CDK12: variants seen among roughly 807,000 people sequenced by gnomAD.
CDK12 encodes the protein cyclin-dependent kinase 12.
In CDK12, 17 loss-of-function variants were observed where a neutral mutation model predicts 133.8. The ratio of observed to expected loss-of-function variants is 0.13; its 90% CI spans 0.09 to 0.19. The LOEUF (loss-of-function observed/expected upper bound fraction) is 0.19, where lower values mean the gene tolerates loss of function less well. Ranked by LOEUF, CDK12 falls within the 10% of genes least tolerant of loss-of-function variation. The pLI, the probability that CDK12 is intolerant of heterozygous loss-of-function variation, is 1.00. For synonymous variants in CDK12, 694 were observed against 683.6 expected (o/e 1.02, Z -0.24); for missense variants, 1,508 against 1,818.7 (o/e 0.83, Z 3.11).
intron 7 of CDK12, among the ~76,000 whole-genome samples, chr17:39,510,224 A>G (rs2053409102): frequency 6.7e-6 from 1 of 150,344 alleles, no homozygotes. Flanking sequence ...GGTTCAAGAA[A>G]TTCTCCTGCC....
intron 2 of CDK12, among the ~76,000 whole-genome samples, chr17:39,478,583 A>G (rs548515784): frequency 2.6e-5 from 4 of 152,256 alleles, no homozygotes; most frequent in African/African-American, 9.6e-5. Context: ...GCTCACTCCT[A>G]TAATCCCAGC....
intron 8 of CDK12, among the ~76,000 whole-genome samples, chr17:39,514,337 C>T (rs948829440): frequency 2.0e-5 from 3 of 152,096 alleles, no homozygotes; most frequent in Admixed American, 6.6e-5. Context: ...AAGCTAGGTT[C>T]GTTTTGCTTT....
chr17:39,515,519 G>C (rs941722550), intron 8 of CDK12, among the ~76,000 whole-genome samples: 14 of 152,060 alleles, frequency 9.2e-5, no homozygotes, highest in African/African-American at 3.4e-4. Flanking sequence ...TCCTTAATAG[G>C]TGGCAAAAGT....
chr17:39,471,410 T>A lies in CDK12; in HGVS notation c.1578T>A (p.Pro526=), dbSNP rs1406440813. The change falls in exon 2 of 14, where the codon CCT becomes CCA. Residue 526 remains proline (P), a synonymous_variant. Transcript: ENST00000447079. ...CAGAAACATCAGAAAAGGAGACCCCTCCACCTCTTCCCACAATTGCTTCTC... is the reference window on the plus strand; with the variant it reads ...CAGAAACATCAGAAAAGGAGACCCCACCACCTCTTCCCACAATTGCTTCTC... The part of the protein sequence containing the change: ...KETETSEKET[P]PPLPTIASPP... 6.2e-7 allele frequency: 1 copy of A among 1,613,800 alleles called. No homozygotes were observed. Among genetic ancestry groups the A allele is most frequent in the Non-Finnish European group, 8.5e-7 (1 of 1,179,876 alleles).
Position 39,526,054 on chromosome 17 carries a change from G to C in CDK12, c.3498G>C (p.Gln1166His). Residue 1166 changes from glutamine (Q) to histidine (H), a missense_variant, in exon 13 of 14, where the codon CAG becomes CAC. Around this residue, in one of 9 missense-constraint regions of CDK12, gnomAD observed 399 missense variants for 469.6 expected, o/e 0.85. Coordinates refer to ENST00000447079, the MANE Select transcript of CDK12 (RefSeq NM_016507.4). ...GTGCCCTGACGGAAGCTACTTCCCAGCAGCAGGACTCAGAGACCATGGCCC... is the reference window on the plus strand; with the variant it reads ...GTGCCCTGACGGAAGCTACTTCCCACCAGCAGGACTCAGAGACCATGGCCC... ...SISALTEATSQQQDSETMAPE... is the reference protein window; with the variant it reads ...SISALTEATSHQQDSETMAPE... 1 of 1,614,214 alleles carries C rather than the reference G, an allele frequency of 6.2e-7. No homozygotes were observed. Among genetic ancestry groups the C allele is most frequent in the South Asian group, 1.1e-5 (1 of 91,086 alleles).
chr17:39,532,891 CAT>C lies in CDK12; in HGVS notation c.*1579_*1580del, dbSNP rs2054945552. 3 of 232,942 alleles carry C rather than the reference CAT, an allele frequency of 1.3e-5. No individual in the cohort carries two copies. The South Asian group carries it at 5.4e-4, about 42-fold the overall frequency. 14.4% of individuals were successfully genotyped at this position (232,942 alleles called of 1,614,324 possible). A position where few individuals can be genotyped will look rare whatever the true frequency, so the allele number is the denominator to read the frequency against. ...GAGTGTTTTAAAAACAGATACATGT[CAT>C]ATAATTTATCTGCACAGACTTAGAC... On this transcript the variant is annotated 3_prime_UTR_variant, in exon 14 of 14. Transcript: ENST00000447079.
chr17:39,544,949 G>C (rs1360973448), upstream of CDK12, among the ~76,000 whole-genome samples: 4 of 152,266 alleles, frequency 2.6e-5, no homozygotes, highest in Non-Finnish European at 5.9e-5. Context: ...TCTCAGGGAA[G>C]TTTCTTATTC....
chr17:39,509,670 A>G (rs767124128), intron 6 of CDK12, 35 bp from the exon 7 acceptor site: 2 of 1,546,004 alleles, frequency 1.3e-6, no homozygotes, highest in Non-Finnish European at 1.8e-6. Flanking sequence ...GGCCACTGCT[A>G]TGGCTTATGA....
At chr17:39,463,809 A>G (rs1003410058) in intron 1 of CDK12, among the ~76,000 whole-genome samples, 23 of 151,970 alleles carry the variant, frequency 1.5e-4, no homozygotes, top group African/African-American at 5.3e-4. Context: ...TCTAAAACAC[A>G]TAGTAATAAT....
intron 3 of CDK12, among the ~76,000 whole-genome samples, chr17:39,562,209 A>G (rs1038929132): frequency 6.6e-6 from 1 of 152,234 alleles, no homozygotes; most frequent in Admixed American, 6.5e-5. Flanking sequence ...AAGTGCTGGG[A>G]TTACAGGCGT....
At chr17:39,536,800 G>C (rs1039178710), downstream of CDK12, among the ~76,000 whole-genome samples, 1 of 152,180 alleles carries the variant, frequency 6.6e-6, no homozygotes, top group Non-Finnish European at 1.5e-5. Context: ...CTGATACTGA[G>C]TTTGTCTTTC....
chr17:39,525,771 T>C (rs2054459102), intron 12 of CDK12, 93 bp from the exon 13 acceptor site: 2 of 868,214 alleles, frequency 2.3e-6, no homozygotes, highest in Non-Finnish European at 1.8e-6. Flanking sequence ...ATTTCATTTT[T>C]TGGATATTGT....
intron 3 of CDK12, among the ~76,000 whole-genome samples, chr17:39,559,767 C>T (rs538366188): frequency 1.4e-4 from 21 of 149,676 alleles, no homozygotes; most frequent in East Asian, 9.8e-4. Flanking sequence ...TGAGCCTGAG[C>T]GGCAGAGATT....
chr17:39,507,841 A>G (rs1214875325), intron 6 of CDK12, among the ~76,000 whole-genome samples: 4 of 152,146 alleles, frequency 2.6e-5, no homozygotes, highest in South Asian at 2.1e-4. Flanking sequence ...TTTTCTCACA[A>G]TTTGCTTATA....
chr17:39,556,973 C>CT (rs908193296), intron 3 of CDK12: 6 of 152,158 alleles, frequency 3.9e-5, no homozygotes, highest in African/African-American at 1.4e-4. Context: ...CCTTGGGATC[C>CT]TAGCATCTCC....
intron 3 of CDK12, among the ~76,000 whole-genome samples, chr17:39,563,889 G>A (rs2056481106): frequency 6.6e-6 from 1 of 152,122 alleles, no homozygotes; most frequent in Non-Finnish European, 1.5e-5. Context: ...ATGCCCCTCG[G>A]TGCCACTCAC....
Position 39,501,317 on chromosome 17 carries a change from G to A in CDK12, c.2487G>A (p.Val829=), listed in dbSNP as rs2146139863. The A allele has an allele frequency of 1.2e-6, 2 of 1,613,298 alleles. No homozygotes were observed. Among genetic ancestry groups the A allele is most frequent in the Non-Finnish European group, 1.7e-6 (2 of 1,179,728 alleles). The change falls in exon 6 of 14, where the codon GTG becomes GTA. Residue 829 remains valine (V), a synonymous_variant. Coordinates refer to ENST00000447079, the MANE Select transcript of CDK12 (RefSeq NM_016507.4). ...DLMGLLESGL[V]HFSEDHIKSF... ...TGGGACTGCTAGAATCTGGTTTGGTGCACTTTTCTGAGGACCATATCAAGT... is the reference window on the plus strand; with the variant it reads ...TGGGACTGCTAGAATCTGGTTTGGTACACTTTTCTGAGGACCATATCAAGT...
intron 10 of CDK12, among the ~76,000 whole-genome samples, chr17:39,519,447 G>A (rs182520527): frequency 4.9e-4 from 74 of 150,868 alleles, no homozygotes; most frequent in Admixed American, 1.6e-3. Flanking sequence ...AATTACAGGC[G>A]TGCATCACCA....
In CDK12 at chr17:39,484,684, G is replaced by GT. The variant is rs138006810; in HGVS notation, c.1932-5872dup. Among the ~76,000 whole-genome samples the GT allele has an allele frequency of 1.4e-3, 214 of 152,182 alleles. 2 individuals carry two copies. Among genetic ancestry groups the GT allele is most frequent in the African/African-American group, 5.0e-3 (209 of 41,520 alleles). ...CTAAAAATGTAATATTTTAGAAGCAGTATACATTTTTCATACATGTTCAAT... is the reference window on the plus strand; with the variant it reads ...CTAAAAATGTAATATTTTAGAAGCAGTTATACATTTTTCATACATGTTCAAT... On this transcript the variant is annotated intron_variant, in intron 2 of 13. Coordinates refer to ENST00000447079, the MANE Select transcript of CDK12 (RefSeq NM_016507.4).
Sources: allele counts gnomAD v4.1 joint callset (sites outside exome capture counted in the v4.1 genomes callset), GRCh38; gene constraint gnomAD v4.1.1; regional missense constraint gnomAD v4.1.1; transcripts MANE v1.5; gene names NCBI Gene and HGNC (gene_info 2026-07-23, HGNC 2026-07-21).